RTTN: variants seen among roughly 807,000 people sequenced by gnomAD.
RTTN encodes rotatin.
Under a neutral mutation model 269.2 loss-of-function variants are expected in RTTN, and 182 were observed. The observed-to-expected ratio is 0.68, with a 90% CI of 0.60 to 0.76. RTTN has a LOEUF of 0.76. RTTN is among the 30% of genes least tolerant of loss of function. The probability of loss-of-function intolerance (pLI) is 0.00; values close to 1 mark genes in which losing one functional copy is unlikely to be tolerated. For synonymous variants in RTTN, 1,006 were observed against 963.5 expected, an observed-to-expected ratio of 1.04 and a Z score of -0.82; for missense variants, 2,545 against 2,608.6, an observed-to-expected ratio of 0.98 and a Z score of 0.53.
chr18:70,173,985 G>A (rs996389661), intron 11 of RTTN, among the ~76,000 whole-genome samples: 1 of 152,144 alleles, frequency 6.6e-6, no homozygotes, highest in African/African-American at 2.4e-5. Flanking sequence ...TCAGAAAGGA[G>A]TGTGGCTTGG....
chr18:70,146,771 G>A (rs1454978499), intron 17 of RTTN, among the ~76,000 whole-genome samples: 1 of 152,152 alleles, frequency 6.6e-6, no homozygotes, highest in Non-Finnish European at 1.5e-5. Context: ...GTGCTGCTAC[G>A]TTCCCACAGC....
In RTTN at chr18:70,003,300, A is replaced by G. The variant is rs1168199517; in HGVS notation, c.*851T>C. On this transcript the variant is annotated 3_prime_UTR_variant, in exon 49 of 49. Coordinates refer to ENST00000640769, the MANE Select transcript of RTTN (RefSeq NM_173630.4). ...GTGATCCACCTACCTCGGTCTCCCA[A>G]AGAGCTGAAAGTATAAGCATGAGCC... 1 of 152,104 alleles carries G rather than the reference A, an allele frequency of 6.6e-6. No individual in the cohort carries two copies. Among genetic ancestry groups the G allele is most frequent in the Non-Finnish European group, 1.5e-5 (1 of 68,042 alleles). 9.4% of individuals were successfully genotyped at this position (152,104 alleles called of 1,614,324 possible). A position where few individuals can be genotyped will look rare whatever the true frequency, so the allele number is the denominator to read the frequency against.
rs143721646 is a variant in RTTN, at chr18:70,041,699, T to C, written c.5541+6272A>G. On this transcript the variant is annotated intron_variant, in intron 40 of 48. Transcript: ENST00000640769. Reference sequence around the variant, plus strand: ...CCGGATGCTTAGTCTCTGGAGAGGATAAATTAGGATTCTGAACTGGCAGAG... The same window carrying C: ...CCGGATGCTTAGTCTCTGGAGAGGACAAATTAGGATTCTGAACTGGCAGAG... Among the ~76,000 whole-genome samples, 1,061 of 152,282 alleles carry C rather than the reference T, an allele frequency of 7.0e-3. 9 individuals carry two copies. Among genetic ancestry groups the C allele is most frequent in the African/African-American group, 0.024 (998 of 41,558 alleles).
chr18:70,040,428 T>C (rs2057306771), intron 40 of RTTN, among the ~76,000 whole-genome samples: 1 of 152,106 alleles, frequency 6.6e-6, no homozygotes, highest in Non-Finnish European at 1.5e-5. Flanking sequence ...GATACAATGA[T>C]TGTGAGTATA....
intron 28 of RTTN, among the ~76,000 whole-genome samples, chr18:70,105,997 T>G (rs2059311381): frequency 6.6e-6 from 1 of 152,108 alleles, no homozygotes; most frequent in South Asian, 2.1e-4. Context: ...CATGGGATAG[T>G]AGAAATAGCC....
intron 14 of RTTN, among the ~76,000 whole-genome samples, chr18:70,155,076 C>T (rs1178600933): frequency 3.3e-5 from 5 of 152,156 alleles, no homozygotes; most frequent in African/African-American, 4.8e-5. Flanking sequence ...AAGGTCCCAC[C>T]GCCTTCAACT....
chr18:70,089,360 T>C (rs1332901791), intron 30 of RTTN, among the ~76,000 whole-genome samples: 1 of 152,154 alleles, frequency 6.6e-6, no homozygotes, highest in Non-Finnish European at 1.5e-5. Flanking sequence ...CCTCTGTAAA[T>C]CAGGAAGAGT....
chr18:70,140,877 C>T (rs1021645665), intron 19 of RTTN, among the ~76,000 whole-genome samples: 2 of 152,106 alleles, frequency 1.3e-5, no homozygotes, highest in African/African-American at 4.8e-5. Flanking sequence ...TATTTAACAA[C>T]TTGCAGACAA....
At chr18:70,099,988 G>A (rs1360796124) in intron 28 of RTTN, among the ~76,000 whole-genome samples, 2 of 152,206 alleles carry the variant, frequency 1.3e-5, no homozygotes, top group African/African-American at 2.4e-5. Context: ...CTGTAGCCTT[G>A]TAGTACAGTT....
intron 4 of RTTN, among the ~76,000 whole-genome samples, chr18:70,201,373 C>T (rs909985157): frequency 2.6e-5 from 4 of 151,610 alleles, no homozygotes; most frequent in South Asian, 2.1e-4. Context: ...GAGGCCGAGG[C>T]GGGCGGATCA....
At chr18:70,047,592 A>C (rs976762812) in intron 40 of RTTN, among the ~76,000 whole-genome samples, 2 of 152,206 alleles carry the variant, frequency 1.3e-5, no homozygotes, top group South Asian at 4.1e-4. Flanking sequence ...ATCAAATGTC[A>C]CTTAGAATAT....
At position 70,028,469 on chromosome 18, in the gene RTTN, T is replaced by C. The variant is rs80021646; in HGVS notation, c.5823+255A>G. Among the ~76,000 whole-genome samples, 196 of 152,330 alleles carry C rather than the reference T, an allele frequency of 1.3e-3. 9 individuals carry two copies. The East Asian group carries it at 0.036, about 28-fold the overall frequency. ...AAAACACATCCAGCCATTCATTCCA[T>C]ATGTAAAACATTTAAAATACCTAAG... On this transcript the variant is annotated intron_variant, in intron 43 of 48. Coordinates refer to ENST00000640769, the MANE Select transcript of RTTN (RefSeq NM_173630.4).
chr18:70,075,469 G>A lies in RTTN; in HGVS notation c.4447C>T (p.His1483Tyr). Residue 1483 changes from histidine to tyrosine, a missense_variant, in exon 33 of 49, where the codon CAC (histidine) becomes TAC (tyrosine). His to Tyr is a moderately conservative substitution (Grantham distance 83). Transcript: ENST00000640769. ...TTCAAATGTTCATAAAAATGGCAGT[G>A]ATATAAAAGAGCCTGAAGGGCAGGT... ...GKPALQALLY[H>Y]CHFYEHLNQM... The A allele has an allele frequency of 6.2e-7, 1 of 1,608,836 alleles. No individual in the cohort carries two copies. The highest frequency in any genetic ancestry group is 8.5e-7 in the Non-Finnish European group (1 of 1,177,618).
rs2057746054 is a variant in RTTN, at chr18:70,054,029, A to C, written c.5185+102T>G. 14 of 1,012,072 alleles carry C rather than the reference A, an allele frequency of 1.4e-5. No homozygotes were observed. In the South Asian group the frequency reaches 2.3e-4, roughly 16 times the overall value. The allele number at this position is 1,012,072 out of a possible 1,614,324, so 62.7% of individuals were successfully genotyped here. ...AAAGCCTTCCAAAATACTAGCAAAA[A>C]GAAACTCAAAAAGTAACCTTCAAGT... is the stretch of plus-strand genomic sequence containing the variant. On this transcript the variant is annotated intron_variant, in intron 38 of 48. Coordinates refer to ENST00000640769, the MANE Select transcript of RTTN (RefSeq NM_173630.4).
chr18:70,110,994 T>C (rs1451085745), intron 27 of RTTN, among the ~76,000 whole-genome samples: 2 of 152,226 alleles, frequency 1.3e-5, no homozygotes, highest in African/African-American at 4.8e-5. Flanking sequence ...AAGGCTGCCA[T>C]GGCCAGATTG....
chr18:70,116,253 A>G (rs553996521), intron 26 of RTTN, among the ~76,000 whole-genome samples: 2 of 152,082 alleles, frequency 1.3e-5, no homozygotes, highest in Non-Finnish European at 2.9e-5. Flanking sequence ...CTTGTAAAAC[A>G]ATTTTATTAT....
intron 23 of RTTN, chr18:70,130,605 G>C (rs957152991): frequency 6.6e-6 from 1 of 151,462 alleles, no homozygotes; most frequent in Non-Finnish European, 1.5e-5. Flanking sequence ...TGGAGATAAA[G>C]AGTAGAATGA....
intron 40 of RTTN, among the ~76,000 whole-genome samples, chr18:70,038,541 G>A (rs182596937): frequency 3.9e-5 from 6 of 152,292 alleles, no homozygotes; most frequent in Admixed American, 6.5e-5. Flanking sequence ...TGCAAGAAAC[G>A]AAGTGTTATT....
chr18:70,187,265 T>C (rs2061569542), intron 10 of RTTN, among the ~76,000 whole-genome samples: 2 of 152,178 alleles, frequency 1.3e-5, no homozygotes, highest in Admixed American at 6.5e-5. Flanking sequence ...ATAAGACGTA[T>C]TTTTAAGTTA....
Sources: allele counts gnomAD v4.1 joint callset (sites outside exome capture counted in the v4.1 genomes callset), GRCh38; gene constraint gnomAD v4.1.1; transcripts MANE v1.5; gene names NCBI Gene and HGNC (gene_info 2026-07-23, HGNC 2026-07-21).